IL3RA: variants seen among roughly 807,000 people sequenced by gnomAD.
The protein encoded by IL3RA is interleukin-3 receptor subunit alpha.
In IL3RA, 73 loss-of-function variants were observed where a neutral mutation model predicts 52.3. That is an observed-to-expected ratio of 1.40 (90% confidence interval 1.16 to 1.70). The LOEUF is 1.70. Ranked by LOEUF, IL3RA falls within the 40% of genes most tolerant of loss-of-function variation. The pLI, the probability that IL3RA is intolerant of heterozygous loss-of-function variation, is 0.00. For missense variants in IL3RA, 664 were observed against 504.4 expected (o/e 1.32, Z -3.03); for synonymous variants, 260 against 194.0 (o/e 1.34, Z -2.83).
At chrX:1,367,527 C>A (rs867942844) in intron 9 of IL3RA, among the ~76,000 whole-genome samples, 17 of 56,934 alleles carry the variant, frequency 3.0e-4, no homozygotes, top group South Asian at 6.9e-4. Context: ...GCGCGGGGTG[C>A]GCGGGGTGCG....
At chrX:1,361,550 G>C (rs1450559816) in intron 8 of IL3RA, among the ~76,000 whole-genome samples, 1 of 151,996 alleles carries the variant, frequency 6.6e-6, no homozygotes, top group Non-Finnish European at 1.5e-5. Context: ...AGGAGTTCAA[G>C]ACCAGCCTGG....
chrX:1,344,773 C>CA (rs1462322838), intron 2 of IL3RA, among the ~76,000 whole-genome samples: 1 of 150,982 alleles, frequency 6.6e-6, no homozygotes, highest in Non-Finnish European at 1.5e-5. Flanking sequence ...AACTCCGTCT[C>CA]AAAAAAATAA....
In IL3RA at chrX:1,355,603, G is replaced by A. The variant is rs1219386768; in HGVS notation, c.617-618G>A. Among the ~76,000 whole-genome samples the A allele has an allele frequency of 4.0e-5, 6 of 151,320 alleles. No individual in the cohort carries two copies. The East Asian group carries it at 5.9e-4, about 15-fold the overall frequency. On this transcript the variant is annotated intron_variant, in intron 6 of 11. Coordinates refer to ENST00000331035, the MANE Select transcript of IL3RA (RefSeq NM_002183.4). ...ATGTGGAAGTGCCTGGGGTTCCCGG[G>A]AAGTGGAGGATGTCCTGGGCCACTG...
intron 1 of IL3RA, among the ~76,000 whole-genome samples, chrX:1,340,443 C>G (rs1471315690): frequency 6.6e-6 from 1 of 152,132 alleles, no homozygotes; most frequent in African/African-American, 2.4e-5. Context: ...AAGGGAACGG[C>G]TGACACACAC....
chrX:1,363,332 G>A lies in IL3RA; in HGVS notation c.760-1806G>A, dbSNP rs1236059607. Among the ~76,000 whole-genome samples, 135 of 135,572 alleles carry A rather than the reference G, an allele frequency of 1.0e-3. 1 individual carries two copies. Among genetic ancestry groups the A allele is most frequent in the African/African-American group, 3.7e-3 (132 of 35,926 alleles). The allele number at this position is 135,572 out of a possible 152,430, so 88.9% of individuals were successfully genotyped here. ...TTTTTTTTTTTTGAGACGGAGTCTC[G>A]CTCTGTCACCCAGGCTGGAGTGCAG... On this transcript the variant is annotated intron_variant, in intron 8 of 11. Transcript: ENST00000331035.
intron 11 of IL3RA, 22 bp downstream of exon 11, chrX:1,381,126 G>C: frequency 1.2e-6 from 2 of 1,612,304 alleles, no homozygotes; most frequent in Non-Finnish European, 1.7e-6. Context: ...TTTCTGCCTT[G>C]GGACGGGTCT....
At position 1,362,426 on chromosome X, in the gene IL3RA, T is replaced by C. The variant is rs187740613; in HGVS notation, c.760-2712T>C. Among the ~76,000 whole-genome samples the C allele has an allele frequency of 6.5e-3, 958 of 148,458 alleles. 10 individuals carry two copies. Among genetic ancestry groups the C allele is most frequent in the African/African-American group, 0.021 (843 of 40,086 alleles). ...TTCTTTCTTTTTCCCTCTGTCTCCC[T>C]TCTCTGTGTCTCTTTGTATCTCTGT... is the stretch of plus-strand genomic sequence containing the variant. On this transcript the variant is annotated intron_variant, in intron 8 of 11. Transcript: ENST00000331035.
At chrX:1,348,873 C>A (rs1424101987) in intron 4 of IL3RA, among the ~76,000 whole-genome samples, 1 of 60,148 alleles carries the variant, frequency 1.7e-5, no homozygotes, top group African/African-American at 1.3e-4. Context: ...CTCTCTCCTT[C>A]CTTCCCTTTC....
chrX:1,352,618 A>C, intron 6 of IL3RA, 112 bp downstream of exon 6: 2 of 1,127,820 alleles, frequency 1.8e-6, no homozygotes, highest in Non-Finnish European at 2.5e-6. Flanking sequence ...TTGGCCTCTC[A>C]CATTTCCAGA....
intron 8 of IL3RA, among the ~76,000 whole-genome samples, chrX:1,364,833 G>C (rs1242190644): frequency 6.8e-6 from 1 of 148,124 alleles, no homozygotes; most frequent in Non-Finnish European, 1.5e-5. Flanking sequence ...TTTAGAGACA[G>C]AGTCTCACTC....
chrX:1,348,701 T>C (rs2085923288), intron 4 of IL3RA, among the ~76,000 whole-genome samples, 156 bp downstream of exon 4: 1 of 58,382 alleles, frequency 1.7e-5, no homozygotes, highest in Admixed American at 1.3e-4. Context: ...TTTTTCTTTC[T>C]TTCTGTTTCT....
intron 7 of IL3RA, among the ~76,000 whole-genome samples, chrX:1,357,954 A>T (rs2086864497): frequency 1.3e-5 from 2 of 151,350 alleles, no homozygotes. Context: ...TACAAAAAAA[A>T]ATTAGCTGGG....
chrX:1,363,580 G>A (rs1276455052), intron 8 of IL3RA, among the ~76,000 whole-genome samples: 4 of 150,904 alleles, frequency 2.7e-5, no homozygotes, highest in South Asian at 4.2e-4. Flanking sequence ...GAGCCACCGC[G>A]CCTGGCCGAG....
intron 8 of IL3RA, among the ~76,000 whole-genome samples, chrX:1,360,157 C>G (rs1440378440): frequency 6.8e-6 from 1 of 147,066 alleles, no homozygotes; most frequent in African/African-American, 2.5e-5. Flanking sequence ...GTCTCTCTCC[C>G]TTTCTCCCTC....
At chrX:1,379,109 C>A (rs1257689241) in intron 10 of IL3RA, among the ~76,000 whole-genome samples, 1 of 151,976 alleles carries the variant, frequency 6.6e-6, no homozygotes, top group Non-Finnish European at 1.5e-5. Context: ...TCCTAAAGTG[C>A]TGGGATTACA....
chrX:1,376,569 G>A (rs2088739553), intron 9 of IL3RA, among the ~76,000 whole-genome samples: 1 of 136,490 alleles, frequency 7.3e-6, no homozygotes, highest in African/African-American at 2.8e-5. Context: ...GCCTGAGATG[G>A]ACTAAGACAC....
chrX:1,348,686 C>CTTTCTTTCTTTCTT lies in IL3RA; in HGVS notation c.298+148_298+149insCTTTCTTTTTCTTT, dbSNP rs2085918664. ...TCTTTCTTTCTTTCTTTCTTTCTTTCTTTCTTTTTCTTTCTTTCTGTTTCT... is the reference window on the plus strand; with the variant it reads ...TCTTTCTTTCTTTCTTTCTTTCTTTCTTTCTTTCTTTCTTTTTCTTTTTCTTTCTTTCTGTTTCT... On this transcript the variant is annotated intron_variant, in intron 4 of 11. Coordinates refer to ENST00000331035, the MANE Select transcript of IL3RA (RefSeq NM_002183.4). 10 of 468,752 alleles carry CTTTCTTTCTTTCTT rather than the reference C, an allele frequency of 2.1e-5. No homozygotes were observed. The East Asian group carries it at 3.1e-4, about 15-fold the overall frequency. 29.0% of individuals were successfully genotyped at this position (468,752 alleles called of 1,614,324 possible). A position where few individuals can be genotyped will look rare whatever the true frequency, so the allele number is the denominator to read the frequency against.
intron 9 of IL3RA, among the ~76,000 whole-genome samples, chrX:1,377,603 A>G (rs1366099920): frequency 1.3e-5 from 2 of 151,724 alleles, no homozygotes; most frequent in Non-Finnish European, 2.9e-5. Context: ...CCCAGCAGAC[A>G]GATCCACCCT....
At position 1,381,217 on chromosome X, in the gene IL3RA, GGA is replaced by G. The variant is rs2089163761; in HGVS notation, c.1062+116_1062+117del. ...AACTGGAGACCAGCCTGGCCAACAT[GGA>G]GAAACTCCGTGTCTACTAAAAATAC... On this transcript the variant is annotated intron_variant, in intron 11 of 11. Transcript: ENST00000331035. The G allele has an allele frequency of 5.6e-6, 5 of 885,942 alleles. No homozygotes were observed. In the East Asian group the frequency reaches 1.2e-4, roughly 21 times the overall value. The allele number at this position is 885,942 out of a possible 1,614,324, so 54.9% of individuals were successfully genotyped here. A position where few individuals can be genotyped will look rare whatever the true frequency, so the allele number is the denominator to read the frequency against.
Sources: gnomAD v4.1 joint callset for allele counts (sites outside exome capture counted in the v4.1 genomes callset) on GRCh38, gnomAD v4.1.1 for gene constraint, MANE v1.5 for transcripts, NCBI Gene and HGNC (gene_info 2026-07-23, HGNC 2026-07-21) for gene names.